Variants in MTREX observed in about 807,000 individuals in gnomAD.
MTREX encodes Mtr4 exosome RNA helicase.
MTREX carries 76 observed loss-of-function variants against 135.4 expected under a neutral mutation model. The observed-to-expected ratio is 0.56, with a 90% CI of 0.47 to 0.68. The LOEUF (loss-of-function observed/expected upper bound fraction) is 0.68. MTREX is among the 30% of genes least tolerant of loss of function. MTREX has a pLI of 0.00. For synonymous variants in MTREX, 404 were observed against 401.6 expected (o/e 1.01, Z -0.07); for missense variants, 920 against 1,262.1 (o/e 0.73, Z 4.11).
intron 14 of MTREX, among the ~76,000 whole-genome samples, chr5:55,355,980 G>A (rs1188646314): frequency 3.3e-5 from 5 of 152,236 alleles, no homozygotes; most frequent in Admixed American, 6.5e-5. Context: ...CAAAGGGTTA[G>A]GGAGACAGTG....
Position 55,334,040 on chromosome 5 carries a change from G to A in MTREX, c.515+5229G>A, listed in dbSNP as rs79243990. On this transcript the variant is annotated intron_variant, in intron 5 of 26. Transcript: ENST00000230640. ...AGGAATAAAGTGCTGATACATGCTT[G>A]AAAACATTATGCGTACTAAAAGAAG... Among the ~76,000 whole-genome samples, 922 of 152,204 alleles carry A rather than the reference G, an allele frequency of 6.1e-3. 8 individuals are homozygous for A. Among genetic ancestry groups the A allele is most frequent in the African/African-American group, 0.021 (889 of 41,560 alleles).
At chr5:55,421,877 T>C (rs1751060400) in intron 25 of MTREX, among the ~76,000 whole-genome samples, 1 of 152,232 alleles carries the variant, frequency 6.6e-6, no homozygotes, top group Non-Finnish European at 1.5e-5. Flanking sequence ...TCTGATTGCA[T>C]AGGTAATATG....
chr5:55,335,729 G>A (rs868208065), intron 5 of MTREX, among the ~76,000 whole-genome samples: 14 of 152,118 alleles, frequency 9.2e-5, no homozygotes, highest in Middle Eastern at 3.4e-3. Flanking sequence ...TAAAAACTGG[G>A]CACTTCCAGG....
intron 1 of MTREX, among the ~76,000 whole-genome samples, chr5:55,314,668 CTTCT>C (rs943309195): frequency 1.3e-5 from 2 of 152,190 alleles, no homozygotes; most frequent in African/African-American, 4.8e-5. Context: ...CTATATTGCA[CTTCT>C]TTCTTTCTGA....
In MTREX at chr5:55,324,178, G is replaced by T. The variant is rs780767785; in HGVS notation, c.319G>T (p.Val107Phe). ...AGTCAAGGTACAATCAGTTGAAACT[G>T]TTGAAGGGTGTACACATGAGGTAAG... ...PRVKVQSVET[V>F]EGCTHEVALP... The change falls in exon 3 of 27, where the codon GTT becomes TTT. Residue 107 changes from valine (V) to phenylalanine (F), a missense_variant. Transcript: ENST00000230640. The T allele has an allele frequency of 6.2e-7, 1 of 1,610,504 alleles. No individual in the cohort carries two copies. Among genetic ancestry groups the T allele is most frequent in the Non-Finnish European group, 8.5e-7 (1 of 1,178,272 alleles).
intron 3 of MTREX, chr5:55,327,457 T>G (rs1749401476): frequency 2.9e-6 from 1 of 349,924 alleles, no homozygotes; most frequent in Non-Finnish European, 5.3e-6. Flanking sequence ...AAGTACACAG[T>G]TTCCTCAGGG....
At position 55,340,109 on chromosome 5, in the gene MTREX, A is replaced by G; in HGVS notation, c.615A>G (p.Glu205=). 1 of 1,605,476 alleles carries G rather than the reference A, an allele frequency of 6.2e-7. No individual in the cohort carries two copies. Among genetic ancestry groups the G allele is most frequent in the Non-Finnish European group, 8.5e-7 (1 of 1,175,948 alleles). Residue 205 remains glutamate (E), a synonymous_variant, in exon 6 of 27, where the codon GAA becomes GAG. Coordinates refer to ENST00000230640, the MANE Select transcript of MTREX (RefSeq NM_015360.5). ...SNQKYREMYE[E]FQDVGLMTGD... The stretch of plus-strand genomic sequence containing the variant: ...AAAAATACCGTGAAATGTATGAAGA[A>G]TTTCAAGATGTTGGTTTGATGACTG...
intron 18 of MTREX, among the ~76,000 whole-genome samples, chr5:55,381,804 C>T (rs1436601538): frequency 6.6e-6 from 1 of 152,110 alleles, no homozygotes; most frequent in East Asian, 1.9e-4. Context: ...TCTTTGCAGA[C>T]CATTCTGTCT....
chr5:55,382,453 A>G (rs570380453), intron 18 of MTREX, among the ~76,000 whole-genome samples: 1 of 152,224 alleles, frequency 6.6e-6, no homozygotes, highest in East Asian at 1.9e-4. Context: ...CCAGTGTGAT[A>G]TAGAGGTGTT....
intron 5 of MTREX, among the ~76,000 whole-genome samples, chr5:55,335,066 T>A (rs924969650): frequency 6.6e-6 from 1 of 152,086 alleles, no homozygotes; most frequent in Admixed American, 6.6e-5. Context: ...AGTTTTAATA[T>A]GCATTTCTGT....
chr5:55,413,059 C>T (rs1357299108), intron 23 of MTREX, among the ~76,000 whole-genome samples: 1 of 151,518 alleles, frequency 6.6e-6, no homozygotes, highest in Non-Finnish European at 1.5e-5. Context: ...AAAAAATTAG[C>T]GATCGGGCAC....
intron 16 of MTREX, among the ~76,000 whole-genome samples, chr5:55,377,006 G>A (rs1750314347): frequency 6.6e-6 from 1 of 151,814 alleles, no homozygotes; most frequent in African/African-American, 2.4e-5. Context: ...GTGAGGCTGA[G>A]GTTGCAGTGA....
At chr5:55,321,923 T>C (rs768272566) in intron 1 of MTREX, among the ~76,000 whole-genome samples, 3 of 152,186 alleles carry the variant, frequency 2.0e-5, no homozygotes, top group Non-Finnish European at 4.4e-5. Flanking sequence ...CGTCATTTAT[T>C]GTCACTACTT....
At chr5:55,346,969 T>C (rs1282341216) in intron 10 of MTREX, 44 bp from the exon 11 acceptor site, 26 of 1,492,810 alleles carry the variant, frequency 1.7e-5, no homozygotes, top group Non-Finnish European at 2.3e-5. Flanking sequence ...AGATCTGTGA[T>C]CTATTTTGAG....
In MTREX at chr5:55,425,164, T is replaced by A; in HGVS notation, c.*392T>A. 1 of 1,587,238 alleles carries A rather than the reference T, an allele frequency of 6.3e-7. No individual in the cohort carries two copies. The highest frequency in any genetic ancestry group is 2.2e-5 in the East Asian group (1 of 44,698). ...TCTTGCCTTGTGGCAATCATTTTCCTTTAGAAAACAGGCCAGCTTCACCTG... is the reference window on the plus strand; with the variant it reads ...TCTTGCCTTGTGGCAATCATTTTCCATTAGAAAACAGGCCAGCTTCACCTG... On this transcript the variant is annotated 3_prime_UTR_variant, in exon 27 of 27. Coordinates refer to ENST00000230640, the MANE Select transcript of MTREX (RefSeq NM_015360.5).
At chr5:55,381,711 T>C (rs1750398963) in intron 18 of MTREX, among the ~76,000 whole-genome samples, 1 of 152,232 alleles carries the variant, frequency 6.6e-6, no homozygotes, top group Admixed American at 6.5e-5. Context: ...GAGAAAAATG[T>C]GTATTCTGCT....
intron 1 of MTREX, among the ~76,000 whole-genome samples, chr5:55,313,149 A>G (rs1197242192): frequency 6.6e-6 from 1 of 151,938 alleles, no homozygotes; most frequent in East Asian, 1.9e-4. Context: ...GAAAATCCTC[A>G]TTCCTAGGCC....
At chr5:55,401,028 C>T (rs1446546748) in intron 21 of MTREX, among the ~76,000 whole-genome samples, 2 of 151,872 alleles carry the variant, frequency 1.3e-5, no homozygotes, top group Non-Finnish European at 2.9e-5. Context: ...TGTGTGCGTG[C>T]GTCCGTGCAT....
intron 19 of MTREX, among the ~76,000 whole-genome samples, chr5:55,390,058 A>G (rs1750541060): frequency 6.6e-6 from 1 of 152,076 alleles, no homozygotes; most frequent in Admixed American, 6.6e-5. Context: ...TTGAGTGGAT[A>G]TGATGCCAAA....
Sources: allele counts gnomAD v4.1 joint callset (sites outside exome capture counted in the v4.1 genomes callset), GRCh38; gene constraint gnomAD v4.1.1; transcripts MANE v1.5; gene names NCBI Gene and HGNC (gene_info 2026-07-23, HGNC 2026-07-21).